Variants in BICRAL observed in about 807,000 individuals in gnomAD.
The protein encoded by BICRAL is BRD4-interacting chromatin-remodeling complex-associated protein-like.
A neutral mutation model predicts 91.8 loss-of-function variants in BICRAL; 8 were observed. The ratio of observed to expected loss-of-function variants is 0.09; its 90% CI spans 0.05 to 0.16. The LOEUF is 0.16. Among genes scored for constraint, BICRAL ranks in the 10% least tolerant of loss-of-function variants. BICRAL has a pLI of 1.00. For missense variants in BICRAL, 1,038 were observed against 1,310.9 expected (o/e 0.79, Z 3.21); for synonymous variants, 445 against 491.1 (o/e 0.91, Z 1.24).
At chr6:42,830,813 C>T (rs1048396540) in intron 6 of BICRAL, among the ~76,000 whole-genome samples, 1 of 152,104 alleles carries the variant, frequency 6.6e-6, no homozygotes, top group Non-Finnish European at 1.5e-5. Context: ...TTTGGGGTTT[C>T]GCCGTGTTGC....
chr6:42,829,138 T>A lies in BICRAL; in HGVS notation c.805T>A (p.Ser269Thr). The change falls in exon 6 of 13, where the codon TCT becomes ACT. Residue 269 changes from serine (S) to threonine (T), a missense_variant. By Grantham distance (58) the Ser-to-Thr change is moderately conservative. This residue lies in a region of BICRAL where 532 missense variants were observed against 724.9 expected (regional missense o/e 0.73). Coordinates refer to ENST00000314073, the MANE Select transcript of BICRAL (RefSeq NM_001393499.1). ...TAATGGCAACTCCTTGTTTGGGAAC[T>A]CTAGTTCCAGTCCAGTAGCACAGCC... is the stretch of plus-strand genomic sequence containing the variant. ...TPNGNSLFGNSSSSPVAQPVT... is the reference protein window; with the variant it reads ...TPNGNSLFGNTSSSPVAQPVT... The A allele has an allele frequency of 2.5e-6, 4 of 1,614,106 alleles. No individual in the cohort carries two copies. The highest frequency in any genetic ancestry group is 3.4e-6 in the Non-Finnish European group (4 of 1,179,962).
In BICRAL at chr6:42,867,719, G is replaced by C. The variant is rs1765753255; in HGVS notation, c.*2273G>C. 6.6e-6 allele frequency: 1 copy of C among 152,140 alleles called. No homozygotes were observed. The highest frequency in any genetic ancestry group is 2.4e-5 in the African/African-American group (1 of 41,432). The allele number at this position is 152,140 out of a possible 1,614,324, so 9.4% of individuals were successfully genotyped here. A position where few individuals can be genotyped will look rare whatever the true frequency, so the allele number is the denominator to read the frequency against. On this transcript the variant is annotated 3_prime_UTR_variant, in exon 13 of 13. Transcript: ENST00000314073. The stretch of plus-strand genomic sequence containing the variant: ...TCTTTCTTCCCTATCCTGCCCTGCT[G>C]TCCCAATCCTAGCTTTTCTATATAC...
intron 1 of BICRAL, among the ~76,000 whole-genome samples, chr6:42,788,926 T>C (rs953249743): frequency 5.3e-5 from 8 of 152,044 alleles, no homozygotes; most frequent in Admixed American, 2.0e-4. Context: ...TCAGCTGTTA[T>C]GAGGGCAGCG....
chr6:42,835,453 G>A (rs1228633248), intron 6 of BICRAL, among the ~76,000 whole-genome samples: 1 of 151,662 alleles, frequency 6.6e-6, no homozygotes, highest in African/African-American at 2.4e-5. Flanking sequence ...CTAACAGTGA[G>A]AAAGCCAGCT....
At chr6:42,785,355 T>TA (rs1307768975) in intron 1 of BICRAL, among the ~76,000 whole-genome samples, 6 of 151,748 alleles carry the variant, frequency 4.0e-5, no homozygotes, top group Non-Finnish European at 7.4e-5. Context: ...AGTCAGGAGT[T>TA]AGAGACCAGC....
At chr6:42,832,605 GTGTT>G (rs1329970115) in intron 6 of BICRAL, among the ~76,000 whole-genome samples, 1 of 150,678 alleles carries the variant, frequency 6.6e-6, no homozygotes, top group Non-Finnish European at 1.5e-5. Flanking sequence ...GTGTGTGTGT[GTGTT>G]TGAAATAACA....
chr6:42,829,376 G>T lies in BICRAL; in HGVS notation c.1043G>T (p.Ser348Ile). ...VQQGISFASA[S>I]SPQGSVVGPH... ...CAAGGGATCTCTTTTGCTTCTGCAA[G>T]CTCACCCCAGGGCTCAGTAGTTGGT... is the stretch of plus-strand genomic sequence containing the variant. Residue 348 changes from serine to isoleucine, a missense_variant, in exon 6 of 13, where the codon AGC becomes ATC. Coordinates refer to ENST00000314073, the MANE Select transcript of BICRAL (RefSeq NM_001393499.1). 2 of 1,614,178 alleles carry T rather than the reference G, an allele frequency of 1.2e-6. No individual in the cohort carries two copies. Among genetic ancestry groups the T allele is most frequent in the Non-Finnish European group, 1.7e-6 (2 of 1,180,024 alleles).
intron 2 of BICRAL, 136 bp from the exon 3 acceptor site, chr6:42,821,876 CATTAAT>C (rs1764146716): frequency 4.3e-6 from 2 of 466,344 alleles, no homozygotes; most frequent in Non-Finnish European, 7.7e-6. Flanking sequence ...TTTAAAATTA[CATTAAT>C]ATTAAGCAGA....
chr6:42,761,933 G>C (rs747074094), intron 1 of BICRAL, among the ~76,000 whole-genome samples: 1 of 151,856 alleles, frequency 6.6e-6, no homozygotes, highest in Non-Finnish European at 1.5e-5. Context: ...AAAGAAATAC[G>C]TACTTCTTTC....
At position 42,844,649 on chromosome 6, in the gene BICRAL, A is replaced by G. The variant is rs540171675; in HGVS notation, c.1840-7443A>G. On this transcript the variant is annotated intron_variant, in intron 6 of 12. Coordinates refer to ENST00000314073, the MANE Select transcript of BICRAL (RefSeq NM_001393499.1). The stretch of plus-strand genomic sequence containing the variant: ...AACAACTGGGAGGCTGCTGGTTGGT[A>G]TGACTTGTTTCTGTGGAATGGTAGG... 1.1e-4 allele frequency among the ~76,000 whole-genome samples: 17 copies of G among 149,352 alleles called. 1 individual carries two copies. Among genetic ancestry groups the G allele is most frequent in the East Asian group, 6.2e-4 (3 of 4,844 alleles).
chr6:42,821,930 A>G, intron 2 of BICRAL, 88 bp from the exon 3 acceptor site: 2 of 716,496 alleles, frequency 2.8e-6, no homozygotes, highest in Non-Finnish European at 4.9e-6. Context: ...TATCCAGAAA[A>G]GTGTAAGGCA....
chr6:42,781,596 G>GGGTGT (rs1554275298), upstream of BICRAL, among the ~76,000 whole-genome samples: 1 of 103,478 alleles, frequency 9.7e-6, no homozygotes, highest in African/African-American at 3.7e-5. Context: ...TGGGTGGGTG[G>GGGTGT]GTGTGTGTGT....
At chr6:42,831,500 A>G (rs149552193) in intron 6 of BICRAL, among the ~76,000 whole-genome samples, 1 of 152,308 alleles carries the variant, frequency 6.6e-6, no homozygotes, top group African/African-American at 2.4e-5. Flanking sequence ...TCTGAAAAGA[A>G]TCTCAAATGG....
chr6:42,802,427 T>TTGTTG (rs1554277646), intron 1 of BICRAL, among the ~76,000 whole-genome samples: 3 of 132,564 alleles, frequency 2.3e-5, no homozygotes, highest in Admixed American at 2.3e-4. Context: ...TCGTGTTTTT[T>TTGTTG]TTTGTTGTTG....
At chr6:42,820,042 C>A (rs1764097873) in intron 2 of BICRAL, among the ~76,000 whole-genome samples, 1 of 152,130 alleles carries the variant, frequency 6.6e-6, no homozygotes, top group South Asian at 2.1e-4. Context: ...AGTAGTTTGT[C>A]ACTCTAAACT....
chr6:42,837,379 TTAA>T (rs1415007413), intron 6 of BICRAL, among the ~76,000 whole-genome samples: 8 of 152,066 alleles, frequency 5.3e-5, no homozygotes, highest in Non-Finnish European at 1.5e-5. Flanking sequence ...CTATAAATGG[TTAA>T]TGTTAGAGAT....
chr6:42,752,206 C>G (rs573033956), intron 1 of BICRAL, among the ~76,000 whole-genome samples: 2 of 152,192 alleles, frequency 1.3e-5, no homozygotes, highest in African/African-American at 4.8e-5. Context: ...GCCTTTGCCC[C>G]TGGCGCTCTC....
chr6:42,751,663 T>C lies in BICRAL; in HGVS notation c.-261+4640T>C, dbSNP rs1469986514. ...CCTTTTTCTTTCTTTTCTTTTTTTT[T>C]TTTTTTTTTTTGAGACGGAGTTTTG... On this transcript the variant is annotated intron_variant, in intron 1 of 14. Coordinates refer to the BICRAL transcript ENST00000614467. Among the ~76,000 whole-genome samples, 4 of 148,646 alleles carry C rather than the reference T, an allele frequency of 2.7e-5. No homozygotes were observed. In the South Asian group the frequency reaches 8.5e-4, roughly 32 times the overall value.
At chr6:42,788,772 G>A (rs1403339486) in intron 1 of BICRAL, among the ~76,000 whole-genome samples, 1 of 152,200 alleles carries the variant, frequency 6.6e-6, no homozygotes, top group African/African-American at 2.4e-5. Context: ...TGAGCAACAG[G>A]ACAAGGAACT....
Sources: allele counts gnomAD v4.1 joint callset (sites outside exome capture counted in the v4.1 genomes callset), GRCh38; gene constraint gnomAD v4.1.1; regional missense constraint gnomAD v4.1.1; transcripts MANE v1.5; gene names NCBI Gene and HGNC (gene_info 2026-07-23, HGNC 2026-07-21).